Variants in SLC24A2 observed in about 807,000 individuals in gnomAD.
The protein encoded by SLC24A2 is solute carrier family 24 member 2, also known as sodium/potassium/calcium exchanger 2.
Under a neutral mutation model 62.0 loss-of-function variants are expected in SLC24A2, and 36 were observed. The ratio of observed to expected loss-of-function variants is 0.58; its 90% CI spans 0.44 to 0.77. The LOEUF is 0.77. SLC24A2 is among the 30% of genes least tolerant of loss of function. SLC24A2 has a pLI of 0.00. For synonymous variants in SLC24A2, 358 were observed against 294.0 expected (o/e 1.22, Z -2.23); for missense variants, 846 against 817.9 (o/e 1.03, Z -0.42).
chr9:19,786,784 T>C lies in SLC24A2; in HGVS notation c.83A>G (p.Tyr28Cys), dbSNP rs770762155. Residue 28 changes from tyrosine to cysteine, a missense_variant, in exon 2 of 11, where the codon TAT becomes TGT. Coordinates refer to ENST00000341998, the MANE Select transcript of SLC24A2 (RefSeq NM_020344.4). The surrounding 1 kb of genome is among the most constrained non-coding windows in gnomAD (Gnocchi z 5.0). ...DESLSGCRRH[Y>C]SVKKKLKLIR... ...TAACTTCAGTTTTTTCTTGACACTATAATGTCTTCTGCAGCCAGACAGTGA... is the reference window on the plus strand; with the variant it reads ...TAACTTCAGTTTTTTCTTGACACTACAATGTCTTCTGCAGCCAGACAGTGA... The C allele has an allele frequency of 9.9e-6, 16 of 1,608,764 alleles. No homozygotes were observed. The African/African-American group carries it at 2.0e-4, about 20-fold the overall frequency.
the SLC24A2 span, among the ~76,000 whole-genome samples, chr9:20,152,902 A>C: frequency 6.6e-6 from 1 of 151,822 alleles, no homozygotes; most frequent in Admixed American, 6.6e-5. Context: ...GAGTGCCTCA[A>C]AACTCTTAGA....
chr9:19,970,121 A>G, the SLC24A2 span, among the ~76,000 whole-genome samples: 1 of 152,100 alleles, frequency 6.6e-6, no homozygotes, highest in East Asian at 1.9e-4. Context: ...TTCCCTTCTC[A>G]CTGCCCCCAT....
the SLC24A2 span, among the ~76,000 whole-genome samples, chr9:20,112,458 T>C: frequency 2.0e-5 from 3 of 152,190 alleles, no homozygotes; most frequent in African/African-American, 7.2e-5. Flanking sequence ...CAGTTTAAGT[T>C]ATTCATCCTC....
chr9:19,764,126 G>A (rs1045344418), intron 2 of SLC24A2, among the ~76,000 whole-genome samples: 2 of 152,102 alleles, frequency 1.3e-5, no homozygotes, highest in Non-Finnish European at 1.5e-5. Flanking sequence ...TTCTTGGATG[G>A]TAGTTTGTAT....
At chr9:19,641,517 AT>A (rs5896853) in intron 2 of SLC24A2, among the ~76,000 whole-genome samples, 9,529 of 142,920 alleles carry the variant, frequency 0.067, 551 homozygotes, top group African/African-American at 0.17. Context: ...TTACTTAAAC[AT>A]TTTTTTTTTT....
At chr9:19,566,135 A>T (rs929784625) in intron 7 of SLC24A2, among the ~76,000 whole-genome samples, 2 of 152,152 alleles carry the variant, frequency 1.3e-5, no homozygotes, top group Non-Finnish European at 2.9e-5. Flanking sequence ...TAAACTAAGG[A>T]GCTTCTGCAC....
At chr9:20,258,651 C>T in the SLC24A2 span, among the ~76,000 whole-genome samples, 28 of 152,306 alleles carry the variant, frequency 1.8e-4, no homozygotes, top group Middle Eastern at 6.8e-3. Flanking sequence ...AATAATTTCA[C>T]CATGAAGCCA....
chr9:19,767,168 C>T (rs1445264678), intron 2 of SLC24A2, among the ~76,000 whole-genome samples: 3 of 152,248 alleles, frequency 2.0e-5, no homozygotes, highest in African/African-American at 4.8e-5. Flanking sequence ...TGTTCCAGGT[C>T]GACTTCAGAC....
chr9:19,771,802 A>G (rs1169707173), intron 2 of SLC24A2, among the ~76,000 whole-genome samples: 1 of 152,222 alleles, frequency 6.6e-6, no homozygotes, highest in Non-Finnish European at 1.5e-5. Context: ...AGAGTAGATC[A>G]TTACTGCTAT....
chr9:19,992,074 A>G, the SLC24A2 span, among the ~76,000 whole-genome samples: 1 of 152,214 alleles, frequency 6.6e-6, no homozygotes, highest in Non-Finnish European at 1.5e-5. Context: ...TAGGAAATAG[A>G]AATATTAATG....
the SLC24A2 span, among the ~76,000 whole-genome samples, chr9:20,074,643 G>A: frequency 3.4e-5 from 5 of 146,146 alleles, no homozygotes; most frequent in African/African-American, 1.3e-4. Context: ...GGGACGGGAA[G>A]GGGGTGAGGG....
intron 2 of SLC24A2, among the ~76,000 whole-genome samples, chr9:19,748,802 G>C (rs546126848): frequency 6.6e-6 from 1 of 152,036 alleles, no homozygotes; most frequent in African/African-American, 2.4e-5. Context: ...CGGAAGGAAG[G>C]ATGAATCACA....
At chr9:20,297,546 T>A in the SLC24A2 span, among the ~76,000 whole-genome samples, 3 of 152,202 alleles carry the variant, frequency 2.0e-5, no homozygotes, top group African/African-American at 4.8e-5. Flanking sequence ...ACTGGCCAGA[T>A]GGGTGGACCC....
intron 10 of SLC24A2, among the ~76,000 whole-genome samples, chr9:19,520,102 A>G (rs1833117889): frequency 6.6e-6 from 1 of 152,228 alleles, no homozygotes; most frequent in Non-Finnish European, 1.5e-5. Context: ...GGTGGAAGAC[A>G]GAACAATATT....
the SLC24A2 span, among the ~76,000 whole-genome samples, chr9:20,303,220 C>T: frequency 6.6e-6 from 1 of 152,002 alleles, no homozygotes; most frequent in Non-Finnish European, 1.5e-5. Context: ...CTTACCATTC[C>T]ATTTACATTA....
the SLC24A2 span, among the ~76,000 whole-genome samples, chr9:19,794,952 T>C: frequency 6.6e-6 from 1 of 152,104 alleles, no homozygotes; most frequent in Non-Finnish European, 1.5e-5. Flanking sequence ...AGTTCAGAAT[T>C]TCAACATAAA....
chr9:20,086,158 T>C, the SLC24A2 span, among the ~76,000 whole-genome samples: 147 of 152,350 alleles, frequency 9.6e-4, no homozygotes, highest in Non-Finnish European at 1.7e-3. Flanking sequence ...ATGTTCATAA[T>C]GGCAGCCTTT....
chr9:19,545,762 C>CT (rs1355685807), intron 8 of SLC24A2, among the ~76,000 whole-genome samples: 1 of 152,044 alleles, frequency 6.6e-6, no homozygotes, highest in East Asian at 1.9e-4. Context: ...CCTCAGCCTC[C>CT]TGAGTAGCTG....
At chr9:20,113,393 A>T in the SLC24A2 span, among the ~76,000 whole-genome samples, 33 of 152,278 alleles carry the variant, frequency 2.2e-4, no homozygotes, top group Non-Finnish European at 3.8e-4. Flanking sequence ...TTAAATGATT[A>T]ATAGTAAAAA....
Sources: gnomAD v4.1 joint callset for allele counts (sites outside exome capture counted in the v4.1 genomes callset) on GRCh38, gnomAD v4.1.1 for gene constraint, Gnocchi (gnomAD v3.1) non-coding constraint, MANE v1.5 for transcripts, NCBI Gene and HGNC (gene_info 2026-07-23, HGNC 2026-07-21) for gene names.